PARD3B: variants seen among roughly 807,000 people sequenced by gnomAD.
PARD3B encodes partitioning defective 3 homolog B.
A neutral mutation model predicts 130.2 loss-of-function variants in PARD3B; 103 were observed. The ratio of observed to expected loss-of-function variants is 0.79; its 90% CI spans 0.67 to 0.93. PARD3B has a LOEUF of 0.93. Ranked by LOEUF, PARD3B falls within the 40% of genes least tolerant of loss-of-function variation. PARD3B has a pLI of 0.00. For missense variants in PARD3B, 1,609 were observed against 1,499.2 expected, an observed-to-expected ratio of 1.07 and a Z score of -1.21; for synonymous variants, 583 against 553.2, an observed-to-expected ratio of 1.05 and a Z score of -0.76.
intron 2 of PARD3B, among the ~76,000 whole-genome samples, chr2:204,789,543 A>G (rs150147815): frequency 7.3e-4 from 111 of 152,366 alleles, no homozygotes; most frequent in Middle Eastern, 3.4e-3. Flanking sequence ...AAACAACTGT[A>G]TAATTTAGGA....
intron 2 of PARD3B, among the ~76,000 whole-genome samples, chr2:204,722,350 G>A (rs1228315731): frequency 1.3e-5 from 2 of 152,058 alleles, no homozygotes; most frequent in African/African-American, 2.4e-5. Context: ...TTGTATCTTG[G>A]GACTAGTTTA....
rs2040480693 is a variant in PARD3B, at chr2:205,265,799, A to T, written c.2185+19977A>T. Among the ~76,000 whole-genome samples the T allele has an allele frequency of 6.6e-6, 1 of 152,038 alleles. No homozygotes were observed. Among genetic ancestry groups the T allele is most frequent in the Non-Finnish European group, 1.5e-5 (1 of 67,944 alleles). On this transcript the variant is annotated intron_variant, in intron 16 of 22. Transcript: ENST00000406610. The surrounding 1 kb of genome is among the most constrained non-coding windows in gnomAD (Gnocchi z 4.3). ...GATTATTCAAATCTTTGGAATTTTC[A>T]GAGATGAATTTTATCAAATACATAT...
At position 205,372,832 on chromosome 2, in the gene PARD3B, C is replaced by A. The variant is rs139156125; in HGVS notation, c.2631-28181C>A. ...TCATTTCTACAAAAGGTCCAAAAATCAGCCAGCATAGTGCCATGAGCCTGT... is the reference window on the plus strand; with the variant it reads ...TCATTTCTACAAAAGGTCCAAAAATAAGCCAGCATAGTGCCATGAGCCTGT... On this transcript the variant is annotated intron_variant, in intron 18 of 22. Transcript: ENST00000406610. 2.4e-4 allele frequency among the ~76,000 whole-genome samples: 36 copies of A among 152,160 alleles called. No individual in the cohort carries two copies. In the East Asian group the frequency reaches 5.8e-3, roughly 25 times the overall value.
intron 18 of PARD3B, among the ~76,000 whole-genome samples, chr2:205,387,126 A>G (rs1189031482): frequency 1.3e-5 from 2 of 152,196 alleles, no homozygotes; most frequent in African/African-American, 4.8e-5. Context: ...CCATAGTTCT[A>G]TATACTATGT....
chr2:204,957,342 T>A (rs1272145564), intron 2 of PARD3B, among the ~76,000 whole-genome samples: 1 of 152,130 alleles, frequency 6.6e-6, no homozygotes, highest in African/African-American at 2.4e-5. Context: ...AGCAGATGCA[T>A]CTTTAAAAAG....
At chr2:204,849,852 GTTA>G (rs1017296454) in intron 2 of PARD3B, among the ~76,000 whole-genome samples, 3 of 152,030 alleles carry the variant, frequency 2.0e-5, no homozygotes, top group African/African-American at 7.2e-5. Context: ...AGTTAAATGA[GTTA>G]TTATTTTATA....
chr2:205,168,342 A>G (rs1210337694), intron 11 of PARD3B, among the ~76,000 whole-genome samples: 2 of 114,146 alleles, frequency 1.8e-5, no homozygotes, highest in Non-Finnish European at 3.8e-5. Context: ...TGAATATTGC[A>G]AGCATAACCC....
chr2:205,303,018 G>A (rs1173461904), intron 18 of PARD3B, among the ~76,000 whole-genome samples: 1 of 152,104 alleles, frequency 6.6e-6, no homozygotes, highest in Non-Finnish European at 1.5e-5. Context: ...AAACTGTTGA[G>A]GCTGCCTCTT....
At position 205,104,511 on chromosome 2, in the gene PARD3B, T is replaced by C; in HGVS notation, c.590T>C (p.Leu197Ser). 3.9e-6 allele frequency: 6 copies of C among 1,524,234 alleles called. No homozygotes were observed. The highest frequency in any genetic ancestry group is 5.5e-6 in the Non-Finnish European group (6 of 1,098,662). 94.4% of individuals were successfully genotyped at this position (1,524,234 alleles called of 1,614,324 possible). Residue 197 changes from leucine (L) to serine (S), a missense_variant, in exon 5 of 23, where the codon TTG (leucine) becomes TCG (serine). Transcript: ENST00000406610. ...LLTSPRTKDTLSDMTRTVEIS... is the reference protein window; with the variant it reads ...LLTSPRTKDTSSDMTRTVEIS... ...ACTTCGCCAAGAACTAAGGACACAT[T>C]GAGGTATTCTCTTTATACAGATAAG...
chr2:205,218,605 CTT>C (rs1398945822), intron 15 of PARD3B, among the ~76,000 whole-genome samples: 2 of 151,998 alleles, frequency 1.3e-5, no homozygotes, highest in African/African-American at 4.8e-5. Flanking sequence ...TTGTAAATCT[CTT>C]TCAAATTTTT....
At chr2:205,526,577 A>C (rs1032132888) in intron 21 of PARD3B, among the ~76,000 whole-genome samples, 3 of 152,142 alleles carry the variant, frequency 2.0e-5, no homozygotes, top group African/African-American at 7.2e-5. Context: ...TATGGCACTT[A>C]CTGCCTGGCC....
chr2:205,162,936 A>G (rs185255836), intron 11 of PARD3B, among the ~76,000 whole-genome samples: 1 of 152,134 alleles, frequency 6.6e-6, no homozygotes, highest in Non-Finnish European at 1.5e-5. Context: ...CTTTTCATGT[A>G]CCATATTAAC....
rs2039363085 is a variant in PARD3B at position 205,241,728 on chromosome 2, C to A, written c.2141-4050C>A. Among the ~76,000 whole-genome samples, 1 of 152,144 alleles carries A rather than the reference C, an allele frequency of 6.6e-6. No individual in the cohort carries two copies. The highest frequency in any genetic ancestry group is 2.1e-4 in the South Asian group (1 of 4,838). ...GTTTTGGAATCAAAGACCTTTCCCA[C>A]ACCAGGCCCATTTATTTTTCAATCT... On this transcript the variant is annotated intron_variant, in intron 15 of 22. Coordinates refer to ENST00000406610, the MANE Select transcript of PARD3B (RefSeq NM_001302769.2). This position sits in a 1 kb window ranked among gnomAD's most constrained non-coding sequence, Gnocchi z 4.2.
chr2:204,996,126 A>C (rs1390280102), intron 3 of PARD3B, among the ~76,000 whole-genome samples: 2 of 83,316 alleles, frequency 2.4e-5, no homozygotes, highest in East Asian at 6.9e-4. Flanking sequence ...GCTGGTGAGG[A>C]ACTGCGTTCC....
intron 1 of PARD3B, among the ~76,000 whole-genome samples, chr2:204,546,939 T>G (rs2030001596): frequency 6.6e-6 from 1 of 152,238 alleles, no homozygotes; most frequent in South Asian, 2.1e-4. Context: ...CCTCTGGGAC[T>G]TCCTCAGTGA....
rs117747586 is a variant in PARD3B, at chr2:204,921,523, T to C, written c.223-43629T>C. On this transcript the variant is annotated intron_variant, in intron 2 of 22. Coordinates refer to ENST00000406610, the MANE Select transcript of PARD3B (RefSeq NM_001302769.2). ...AGTTAAGATGTTTTGACAATTAGAG[T>C]AGGGTGGAAGAAGCACTCAAAAAAG... Among the ~76,000 whole-genome samples, 29 of 149,950 alleles carry C rather than the reference T, an allele frequency of 1.9e-4. No homozygotes were observed. The East Asian group carries it at 5.4e-3, about 28-fold the overall frequency.
chr2:205,052,071 T>C (rs1699227970), intron 4 of PARD3B, among the ~76,000 whole-genome samples: 1 of 152,128 alleles, frequency 6.6e-6, no homozygotes, highest in Non-Finnish European at 1.5e-5. Context: ...GATTGTAACC[T>C]GGTGTTCTTG....
intron 2 of PARD3B, among the ~76,000 whole-genome samples, chr2:204,757,758 A>C (rs1464285508): frequency 6.6e-6 from 1 of 152,152 alleles, no homozygotes; most frequent in East Asian, 1.9e-4. Context: ...TGGTGACTGT[A>C]TGCTGAGTGC....
chr2:205,039,317 G>A (rs1698229495), intron 3 of PARD3B, among the ~76,000 whole-genome samples: 1 of 152,106 alleles, frequency 6.6e-6, no homozygotes, highest in African/African-American at 2.4e-5. Context: ...GAGTTTGGAT[G>A]CCTTGACTAG....
Sources: allele counts gnomAD v4.1 joint callset (sites outside exome capture counted in the v4.1 genomes callset), GRCh38; gene constraint gnomAD v4.1.1; non-coding constraint Gnocchi (gnomAD v3.1); transcripts MANE v1.5; gene names NCBI Gene and HGNC (gene_info 2026-07-23, HGNC 2026-07-21).